Variants in SMIM30 observed in about 807,000 individuals in gnomAD.
SMIM30 encodes small integral membrane protein 30, also known as long intergenic non-protein coding RNA 998.
For synonymous variants in SMIM30, 19 were observed against 11.5 expected, an observed-to-expected ratio of 1.65 and a Z score of -1.31; for missense variants, 43 against 27.6, an observed-to-expected ratio of 1.56 and a Z score of -1.25.
Position 113,117,074 on chromosome 7 carries a change from A to G in SMIM30, c.*325T>C. ...TGGTGATTTCCTAAGATTCTGGGCAAGAACTTCCTTCTTCCTATTTCACAT... is the reference window on the plus strand; with the variant it reads ...TGGTGATTTCCTAAGATTCTGGGCAGGAACTTCCTTCTTCCTATTTCACAT... On this transcript the variant is annotated 3_prime_UTR_variant, in exon 3 of 3. Transcript: ENST00000397764. 1 of 274,348 alleles carries G rather than the reference A, an allele frequency of 3.6e-6. No individual in the cohort carries two copies. Among genetic ancestry groups the G allele is most frequent in the Non-Finnish European group, 7.2e-6 (1 of 139,460 alleles). 17.0% of individuals were successfully genotyped at this position (274,348 alleles called of 1,614,324 possible).
At chr7:113,117,660 C>T (rs1794706032) in intron 2 of SMIM30, 53 bp from the exon 3 acceptor site, 1 of 696,044 alleles carries the variant, frequency 1.4e-6, no homozygotes, top group African/African-American at 1.8e-5. Context: ...CCTCCCTTTT[C>T]AAATGACAAA....
Position 113,118,437 on chromosome 7 carries a change from T to C in SMIM30, c.-124+91A>G, listed in dbSNP as rs771415109. The C allele has an allele frequency of 3.8e-4, 175 of 456,092 alleles. 2 individuals are homozygous for C. Among genetic ancestry groups the C allele is most frequent in the Middle Eastern group, 1.4e-3 (4 of 2,904 alleles). 28.3% of individuals were successfully genotyped at this position (456,092 alleles called of 1,614,324 possible). On this transcript the variant is annotated intron_variant, in intron 1 of 2. Coordinates refer to ENST00000397764, the MANE Select transcript of SMIM30 (RefSeq NM_001352688.2). ...ATATTAAGATTTGAAAAAGAATTCG[T>C]ACTTTGGCCCGGCAAGGTCCAAATT... is the stretch of plus-strand genomic sequence containing the variant.
rs78348672 is a variant in SMIM30 at position 113,118,406 on chromosome 7, G to T, written c.-124+122C>A. 577 of 455,400 alleles carry T rather than the reference G, an allele frequency of 1.3e-3. 10 individuals are homozygous for T. The East Asian group carries it at 0.03, about 24-fold the overall frequency. The allele number at this position is 455,400 out of a possible 1,614,324, so 28.2% of individuals were successfully genotyped here. On this transcript the variant is annotated intron_variant, in intron 1 of 2. Coordinates refer to ENST00000397764, the MANE Select transcript of SMIM30 (RefSeq NM_001352688.2). Reference sequence around the variant, plus strand: ...CAGAACAGAGATAATTTCATTTCAGGACTTGATATTAAGATTTGAAAAAGA... The same window carrying T: ...CAGAACAGAGATAATTTCATTTCAGTACTTGATATTAAGATTTGAAAAAGA...
chr7:113,118,166 T>C lies in SMIM30; in HGVS notation c.-123-5A>G. On this transcript the variant is annotated splice_polypyrimidine_tract_variant and splice_region_variant and intron_variant, in intron 1 of 2. Transcript: ENST00000397764. ...AGAGGTTCCACGTGACACGACCTAT[T>C]ATTAGCATGGGGGGTGGGGAGGGGG... The C allele has an allele frequency of 2.2e-6, 1 of 445,924 alleles. No homozygotes were observed. The highest frequency in any genetic ancestry group is 4.5e-6 in the Non-Finnish European group (1 of 222,710). The allele number at this position is 445,924 out of a possible 1,614,324, so 27.6% of individuals were successfully genotyped here.
At position 113,117,270 on chromosome 7, in the gene SMIM30, G is replaced by C; in HGVS notation, c.*129C>G. On this transcript the variant is annotated 3_prime_UTR_variant, in exon 3 of 3. Coordinates refer to ENST00000397764, the MANE Select transcript of SMIM30 (RefSeq NM_001352688.2). ...AATGTATGTTTGTTGCCATTTCATG[G>C]AAACAATGAAAAATGTGAAACTCCC... is the stretch of plus-strand genomic sequence containing the variant. The C allele has an allele frequency of 1.7e-6, 1 of 596,756 alleles. No individual in the cohort carries two copies. Among genetic ancestry groups the C allele is most frequent in the South Asian group, 2.1e-5 (1 of 48,194 alleles). 37.0% of individuals were successfully genotyped at this position (596,756 alleles called of 1,614,324 possible). A position where few individuals can be genotyped will look rare whatever the true frequency, so the allele number is the denominator to read the frequency against.
At chr7:113,118,493 C>G (rs137925208) in intron 1 of SMIM30, 35 bp downstream of exon 1, 1 of 456,076 alleles carries the variant, frequency 2.2e-6, no homozygotes, top group Non-Finnish European at 4.4e-6. Flanking sequence ...ACTGGTGCAA[C>G]CTAAGTATCC....
Position 113,118,161 on chromosome 7 carries a change from C to T in SMIM30, c.-123G>A. ...GATTAAGAGGTTCCACGTGACACGA[C>T]CTATTATTAGCATGGGGGGTGGGGA... On this transcript the variant is annotated splice_region_variant and 5_prime_UTR_variant, in exon 2 of 3. Transcript: ENST00000397764. The T allele has an allele frequency of 4.5e-6, 2 of 447,736 alleles. No homozygotes were observed. Among genetic ancestry groups the T allele is most frequent in the Non-Finnish European group, 9.0e-6 (2 of 223,170 alleles). The allele number at this position is 447,736 out of a possible 1,614,324, so 27.7% of individuals were successfully genotyped here.
At chr7:113,118,480 T>A (rs930739904) in intron 1 of SMIM30, 48 bp downstream of exon 1, 4 of 456,094 alleles carry the variant, frequency 8.8e-6, no homozygotes, top group Non-Finnish European at 1.8e-5. Flanking sequence ...GTTTTACAAA[T>A]ACACTGGTGC....
In SMIM30 at chr7:113,116,882, T is replaced by C. The variant is rs1198803939; in HGVS notation, c.*517A>G. The C allele has an allele frequency of 6.5e-6, 1 of 153,924 alleles. No individual in the cohort carries two copies. The highest frequency in any genetic ancestry group is 1.4e-5 in the Non-Finnish European group (1 of 69,208). 9.5% of individuals were successfully genotyped at this position (153,924 alleles called of 1,614,324 possible). A position where few individuals can be genotyped will look rare whatever the true frequency, so the allele number is the denominator to read the frequency against. ...TTTTTTTCCGCATTTCAGTATTAGA[T>C]ACACTGAATACATTTTTCTAAATGT... On this transcript the variant is annotated 3_prime_UTR_variant, in exon 3 of 3. Transcript: ENST00000397764.
intron 1 of SMIM30, 26 bp from the exon 2 acceptor site, chr7:113,118,187 G>T: frequency 2.3e-6 from 1 of 428,268 alleles, no homozygotes; most frequent in Non-Finnish European, 4.6e-6. Flanking sequence ...GGGGTGGGGA[G>T]GGGGCGGAGA....
rs1336702431 is a variant in SMIM30, at chr7:113,117,160, CTTT to C, written c.*236_*238del. The C allele has an allele frequency of 2.5e-4, 117 of 460,982 alleles. 1 individual carries two copies. The East Asian group carries it at 4.3e-3, about 17-fold the overall frequency. The allele number at this position is 460,982 out of a possible 1,614,324, so 28.6% of individuals were successfully genotyped here. The stretch of plus-strand genomic sequence containing the variant: ...TATGTAAATTTCAGCCATCTTACTT[CTTT>C]GACTACCTAACTAGCAAATTATAGG... On this transcript the variant is annotated 3_prime_UTR_variant, in exon 3 of 3. Transcript: ENST00000397764.
chr7:113,118,332 AGACTT>A (rs1794720731), intron 1 of SMIM30, 171 bp from the exon 2 acceptor site: 1 of 439,224 alleles, frequency 2.3e-6, no homozygotes, highest in Non-Finnish European at 4.6e-6. Context: ...ACAGGGAACT[AGACTT>A]AAAAGTTGGT....
chr7:113,118,221 A>G, intron 1 of SMIM30, 60 bp from the exon 2 acceptor site: 1 of 425,490 alleles, frequency 2.4e-6, no homozygotes. Flanking sequence ...ATTAATTATT[A>G]TTACTATTAT....
intron 1 of SMIM30, 148 bp from the exon 2 acceptor site, chr7:113,118,309 A>G: frequency 2.3e-6 from 1 of 426,474 alleles, no homozygotes; most frequent in Non-Finnish European, 4.7e-6. Context: ...ATGAGTTGAG[A>G]AAAGTCTGTC....
chr7:113,117,512 C>T lies in SMIM30; in HGVS notation c.67G>A (p.Glu23Lys). ...ATTGCATCACCGGCTTCTACTGCTT[C>T]CACAACAGGCAGCACCAAAAGCAGT... ...MSLLLVLPVV[E>K]AVEAGDAIAL... Residue 23 changes from glutamate to lysine, a missense_variant, in exon 3 of 3, where the codon GAA (glutamate) becomes AAA (lysine). Transcript: ENST00000397764. 1.4e-6 allele frequency: 1 copy of T among 702,864 alleles called. No homozygotes were observed. Among genetic ancestry groups the T allele is most frequent in the Non-Finnish European group, 2.6e-6 (1 of 384,894 alleles). 43.5% of individuals were successfully genotyped at this position (702,864 alleles called of 1,614,324 possible).
intron 1 of SMIM30, 96 bp from the exon 2 acceptor site, chr7:113,118,257 G>A: frequency 4.7e-6 from 2 of 424,444 alleles, no homozygotes; most frequent in South Asian, 3.5e-5. Context: ...GCTAGAGTCA[G>A]TGCAGAGCGT....
chr7:113,118,406 G>A, intron 1 of SMIM30, 122 bp downstream of exon 1: 2 of 455,400 alleles, frequency 4.4e-6, no homozygotes, highest in Non-Finnish European at 8.8e-6. Context: ...TTCATTTCAG[G>A]ACTTGATATT....
intron 2 of SMIM30, 43 bp from the exon 3 acceptor site, chr7:113,117,650 C>T (rs1407014456): frequency 2.9e-6 from 2 of 697,364 alleles, no homozygotes; most frequent in African/African-American, 3.5e-5. Flanking sequence ...ATTAAAAATT[C>T]CTCCCTTTTC....
rs951192499 is a variant in SMIM30 at position 113,117,175 on chromosome 7, T to C, written c.*224A>G. On this transcript the variant is annotated 3_prime_UTR_variant, in exon 3 of 3. Coordinates refer to ENST00000397764, the MANE Select transcript of SMIM30 (RefSeq NM_001352688.2). ...CATCTTACTTCTTTGACTACCTAAC[T>C]AGCAAATTATAGGCTGCATTTTTCT... The C allele has an allele frequency of 1.9e-4, 95 of 488,350 alleles. No homozygotes were observed. The South Asian group carries it at 2.5e-3, about 13-fold the overall frequency. 30.3% of individuals were successfully genotyped at this position (488,350 alleles called of 1,614,324 possible).
Sources: gnomAD v4.1 joint callset for allele counts on GRCh38, gnomAD v4.1.1 for gene constraint, MANE v1.5 for transcripts, NCBI Gene and HGNC (gene_info 2026-07-23, HGNC 2026-07-21) for gene names.